The following MDGA2 variants were observed in gnomAD, a reference collection of about 807,000 sequenced individuals.
MDGA2 encodes the protein MAM domain-containing glycosylphosphatidylinositol anchor protein 2.
A neutral mutation model predicts 117.8 loss-of-function variants in MDGA2; 40 were observed. The observed-to-expected ratio is 0.34, with a 90% confidence interval of 0.26 to 0.44. MDGA2 has a LOEUF of 0.44. Among genes scored for constraint, MDGA2 ranks in the 20% least tolerant of loss-of-function variants. MDGA2 has a pLI of 1.00. For missense variants in MDGA2, 1,123 were observed against 1,250.6 expected (o/e 0.90, Z 1.54); for synonymous variants, 452 against 439.0 (o/e 1.03, Z -0.37).
At chr14:47,144,022 G>T in intron 4 of MDGA2, 56 bp downstream of exon 4, 3 of 1,307,156 alleles carry the variant, frequency 2.3e-6, no homozygotes, top group Non-Finnish European at 2.1e-6. Context: ...CATGCTGCCT[G>T]AATTAGGAAA....
In MDGA2 at chr14:47,560,524, T is replaced by A. The variant is rs1372550606; in HGVS notation, c.280+113993A>T. ...TCTTCTTTTGAAAAGTGTCTGTTCA[T>A]GTCCTTGGCCCGCTTTTTAATGTGG... On this transcript the variant is annotated intron_variant, in intron 1 of 16. Transcript: ENST00000399232. 2.0e-5 allele frequency among the ~76,000 whole-genome samples: 3 copies of A among 152,244 alleles called. No individual in the cohort carries two copies. The East Asian group carries it at 5.8e-4, about 29-fold the overall frequency.
intron 1 of MDGA2, among the ~76,000 whole-genome samples, chr14:47,609,428 CATATATATATATAT>C (rs3040345): frequency 6.3e-4 from 11 of 17,564 alleles, no homozygotes; most frequent in East Asian, 5.3e-3. Context: ...AGTATTCCAT[CATATATATATATAT>C]ATATATATAT....
intron 2 of MDGA2, among the ~76,000 whole-genome samples, chr14:47,247,357 T>C (rs1269353756): frequency 6.7e-6 from 1 of 149,606 alleles, no homozygotes; most frequent in African/African-American, 2.5e-5. Context: ...CAGGCTGGAG[T>C]GCAGTGGTGT....
intron 8 of MDGA2, among the ~76,000 whole-genome samples, chr14:47,000,449 A>G (rs1302699563): frequency 2.1e-5 from 3 of 143,268 alleles, no homozygotes; most frequent in Non-Finnish European, 4.5e-5. Context: ...ATATAAATAT[A>G]TATATAAATA....
At chr14:46,888,712 CT>C (rs929611180) in intron 10 of MDGA2, among the ~76,000 whole-genome samples, 142 of 143,588 alleles carry the variant, frequency 9.9e-4, no homozygotes, top group South Asian at 6.8e-3. Context: ...ATGTTTTCCT[CT>C]TTTTTTTTTT....
chr14:47,527,487 G>A (rs538299460), intron 1 of MDGA2, among the ~76,000 whole-genome samples: 1 of 152,260 alleles, frequency 6.6e-6, no homozygotes, highest in South Asian at 2.1e-4. Flanking sequence ...ACTTGCAGTG[G>A]AAAGGATAAT....
chr14:47,405,871 C>A (rs375229914), intron 1 of MDGA2, among the ~76,000 whole-genome samples: 1 of 152,016 alleles, frequency 6.6e-6, no homozygotes, highest in Admixed American at 6.6e-5. Flanking sequence ...TATGTTCATG[C>A]GTGACTCAAC....
chr14:46,938,074 A>G (rs906718153), intron 9 of MDGA2, among the ~76,000 whole-genome samples: 1 of 152,214 alleles, frequency 6.6e-6, no homozygotes, highest in African/African-American at 2.4e-5. Context: ...ACTATCCAGA[A>G]AATACAATGA....
intron 8 of MDGA2, among the ~76,000 whole-genome samples, chr14:46,987,277 T>C (rs1279864602): frequency 6.6e-6 from 1 of 152,090 alleles, no homozygotes; most frequent in Non-Finnish European, 1.5e-5. Flanking sequence ...GGTTTGTTTG[T>C]CCATGTGATG....
At chr14:47,020,468 T>A (rs1241845762) in intron 8 of MDGA2, among the ~76,000 whole-genome samples, 1 of 152,190 alleles carries the variant, frequency 6.6e-6, no homozygotes, top group Admixed American at 6.5e-5. Context: ...CCAATCTGAT[T>A]GTTTAAAACA....
intron 1 of MDGA2, among the ~76,000 whole-genome samples, chr14:47,465,624 A>C (rs1264388274): frequency 6.6e-6 from 1 of 152,208 alleles, no homozygotes; most frequent in African/African-American, 2.4e-5. Flanking sequence ...TCAAAACCAC[A>C]ATGAGATATC....
chr14:46,875,044 T>C (rs1002828919), intron 12 of MDGA2, among the ~76,000 whole-genome samples: 2 of 151,746 alleles, frequency 1.3e-5, no homozygotes, highest in Admixed American at 1.3e-4. Context: ...TAATGTATAT[T>C]ATTTCACTCA....
intron 1 of MDGA2, among the ~76,000 whole-genome samples, chr14:47,632,296 C>T (rs887974588): frequency 7.9e-5 from 12 of 152,194 alleles, no homozygotes; most frequent in Non-Finnish European, 1.6e-4. Context: ...TTCCTGAAAC[C>T]TCTCTCTTCC....
At chr14:46,971,892 C>T (rs981783865) in intron 8 of MDGA2, among the ~76,000 whole-genome samples, 3 of 152,092 alleles carry the variant, frequency 2.0e-5, no homozygotes, top group African/African-American at 4.8e-5. Context: ...GTTATCAGTA[C>T]AATTGTTTTA....
Position 46,969,336 on chromosome 14 carries a change from CA to C in MDGA2, c.1820-11694del, listed in dbSNP as rs536011568. The stretch of plus-strand genomic sequence containing the variant: ...AGAGGAATCGCCACACTGACTTCCA[CA>C]AGGGTTGAACTAGTTTACAGTCCCA... On this transcript the variant is annotated intron_variant, in intron 8 of 16. Coordinates refer to ENST00000399232, the MANE Select transcript of MDGA2 (RefSeq NM_001113498.3). Among the ~76,000 whole-genome samples, 446 of 152,328 alleles carry C rather than the reference CA, an allele frequency of 2.9e-3. 3 individuals are homozygous for C. Among genetic ancestry groups the C allele is most frequent in the African/African-American group, 0.01 (421 of 41,576 alleles).
chr14:47,435,260 C>G (rs1318749889), intron 1 of MDGA2, among the ~76,000 whole-genome samples: 1 of 152,136 alleles, frequency 6.6e-6, no homozygotes, highest in Non-Finnish European at 1.5e-5. Flanking sequence ...AGCTGCTGCA[C>G]CCTCTTAAAT....
intron 1 of MDGA2, among the ~76,000 whole-genome samples, chr14:47,540,865 A>C (rs958763362): frequency 6.6e-6 from 1 of 152,032 alleles, no homozygotes; most frequent in African/African-American, 2.4e-5. Flanking sequence ...ACACCCAACC[A>C]CACTATATAT....
At chr14:47,023,479 T>C (rs1888366901) in intron 8 of MDGA2, among the ~76,000 whole-genome samples, 1 of 152,070 alleles carries the variant, frequency 6.6e-6, no homozygotes, top group Non-Finnish European at 1.5e-5. Flanking sequence ...CTCAGAAAAA[T>C]CCATCATAAC....
intron 2 of MDGA2, among the ~76,000 whole-genome samples, chr14:47,266,233 T>C (rs540132073): frequency 6.6e-6 from 1 of 152,262 alleles, no homozygotes; most frequent in Non-Finnish European, 1.5e-5. Context: ...TATTATCATA[T>C]TATCTCTACT....
Sources: gnomAD v4.1 joint callset for allele counts (sites outside exome capture counted in the v4.1 genomes callset) on GRCh38, gnomAD v4.1.1 for gene constraint, MANE v1.5 for transcripts, NCBI Gene and HGNC (gene_info 2026-07-23, HGNC 2026-07-21) for gene names.